Variants in GPC6 observed in about 807,000 individuals in gnomAD.
GPC6 encodes glypican-6.
A neutral mutation model predicts 55.2 loss-of-function variants in GPC6; 14 were observed. The ratio of observed to expected loss-of-function variants is 0.25; its 90% CI spans 0.17 to 0.40. The LOEUF is 0.40. GPC6 is among the 10% of genes least tolerant of loss of function. GPC6 has a pLI of 1.00. For missense variants in GPC6, 641 were observed against 708.5 expected, an observed-to-expected ratio of 0.90 and a Z score of 1.08; for synonymous variants, 278 against 259.6, an observed-to-expected ratio of 1.07 and a Z score of -0.68.
chr13:93,300,152 A>G (rs1221285765), intron 1 of GPC6, among the ~76,000 whole-genome samples: 1 of 152,244 alleles, frequency 6.6e-6, no homozygotes, highest in African/African-American at 2.4e-5. Flanking sequence ...ACAGTAATGC[A>G]TGGGTGTGTA....
At chr13:93,536,279 T>C (rs1280378039) in intron 1 of GPC6, among the ~76,000 whole-genome samples, 1 of 152,186 alleles carries the variant, frequency 6.6e-6, no homozygotes, top group Non-Finnish European at 1.5e-5. Context: ...TTACAGAGTA[T>C]GTTTAATGGC....
chr13:93,941,041 C>G (rs1445944324), intron 3 of GPC6, among the ~76,000 whole-genome samples: 3 of 152,108 alleles, frequency 2.0e-5, no homozygotes, highest in Non-Finnish European at 4.4e-5. Flanking sequence ...TTAACAATTT[C>G]CTTTCCTTCT....
chr13:94,330,707 G>C (rs1482290708), intron 6 of GPC6, among the ~76,000 whole-genome samples: 1 of 152,106 alleles, frequency 6.6e-6, no homozygotes, highest in Non-Finnish European at 1.5e-5. Context: ...GTCTGTTAAA[G>C]GTGGATGATA....
intron 2 of GPC6, among the ~76,000 whole-genome samples, chr13:93,770,751 C>G (rs1286563073): frequency 1.3e-5 from 2 of 152,310 alleles, no homozygotes; most frequent in Middle Eastern, 3.4e-3. Flanking sequence ...CTGCAACTCT[C>G]TATCTAGTTC....
intron 4 of GPC6, among the ~76,000 whole-genome samples, chr13:94,239,641 G>T (rs546722780): frequency 2.0e-3 from 310 of 152,186 alleles, no homozygotes; most frequent in African/African-American, 7.3e-3. Context: ...TATTGATGAA[G>T]TCATTATGTG....
At chr13:93,836,691 GTATTA>G (rs1251306627) in intron 3 of GPC6, among the ~76,000 whole-genome samples, 15 of 151,976 alleles carry the variant, frequency 9.9e-5, no homozygotes, top group Non-Finnish European at 1.5e-4. Flanking sequence ...GGTATTTCGA[GTATTA>G]TATTATATTT....
At chr13:93,956,193 A>G (rs1226581616) in intron 3 of GPC6, among the ~76,000 whole-genome samples, 3 of 151,902 alleles carry the variant, frequency 2.0e-5, no homozygotes, top group Admixed American at 6.6e-5. Flanking sequence ...CACTCTCTCC[A>G]CTGTGGCCCT....
At chr13:93,520,361 AT>A (rs1377067244) in intron 1 of GPC6, among the ~76,000 whole-genome samples, 1 of 151,986 alleles carries the variant, frequency 6.6e-6, no homozygotes, top group Non-Finnish European at 1.5e-5. Context: ...TGAGTTACAG[AT>A]TCCTTAAATT....
In GPC6 at chr13:93,281,148, C is replaced by T. The variant is rs574836919; in HGVS notation, c.160+53532C>T. Among the ~76,000 whole-genome samples, 3 of 152,330 alleles carry T rather than the reference C, an allele frequency of 2.0e-5. No individual in the cohort carries two copies. The East Asian group carries it at 5.8e-4, about 29-fold the overall frequency. On this transcript the variant is annotated intron_variant, in intron 1 of 8. Coordinates refer to ENST00000377047, the MANE Select transcript of GPC6 (RefSeq NM_005708.5). ...ATCAGGATTTGGCCTCCAGATTCTA[C>T]TATATCTGCCACAATAGCACTTACT...
chr13:93,960,811 T>G (rs8002338), intron 3 of GPC6, among the ~76,000 whole-genome samples: 1 of 148,342 alleles, frequency 6.7e-6, no homozygotes, highest in Non-Finnish European at 1.5e-5. Context: ...ATTTTTTTTT[T>G]TTTCTTTTTT....
At chr13:94,379,073 A>C (rs2139203610) in intron 6 of GPC6, among the ~76,000 whole-genome samples, 2 of 152,332 alleles carry the variant, frequency 1.3e-5, no homozygotes, top group East Asian at 3.9e-4. Context: ...AAAAACAAAA[A>C]AACAAAAACC....
At chr13:94,272,471 T>C (rs1434080805) in intron 4 of GPC6, among the ~76,000 whole-genome samples, 14 of 134,498 alleles carry the variant, frequency 1.0e-4, no homozygotes, top group South Asian at 4.9e-4. Flanking sequence ...TTCTTTTTTT[T>C]TTTTTTTTTT....
At chr13:94,239,035 CTTAAG>C (rs1890969110) in intron 4 of GPC6, among the ~76,000 whole-genome samples, 1 of 152,108 alleles carries the variant, frequency 6.6e-6, no homozygotes, top group Non-Finnish European at 1.5e-5. Flanking sequence ...TTTTACTGCT[CTTAAG>C]TTAATAACGT....
intron 2 of GPC6, among the ~76,000 whole-genome samples, chr13:93,828,816 A>G (rs964425244): frequency 1.3e-5 from 2 of 152,174 alleles, no homozygotes; most frequent in Non-Finnish European, 2.9e-5. Flanking sequence ...TATCATTATT[A>G]TAGACACCAT....
At chr13:93,802,213 C>T (rs1016915464) in intron 2 of GPC6, among the ~76,000 whole-genome samples, 2 of 152,060 alleles carry the variant, frequency 1.3e-5, no homozygotes, top group Admixed American at 1.3e-4. Flanking sequence ...CTTCTGTCAT[C>T]TTGTTCCAAA....
At chr13:93,270,953 C>G (rs1877502381) in intron 1 of GPC6, among the ~76,000 whole-genome samples, 1 of 152,166 alleles carries the variant, frequency 6.6e-6, no homozygotes, top group South Asian at 2.1e-4. Context: ...CTGCCAATTT[C>G]CAGCAGAATT....
intron 4 of GPC6, among the ~76,000 whole-genome samples, chr13:94,158,327 T>C (rs1888027509): frequency 6.6e-6 from 1 of 151,892 alleles, no homozygotes; most frequent in Admixed American, 6.6e-5. Context: ...TTAGACACAA[T>C]TATAGTTTGA....
rs1878236853 is a variant in GPC6, at chr13:94,345,405, A to G, written c.1153-37009A>G. On this transcript the variant is annotated intron_variant, in intron 6 of 8. Transcript: ENST00000377047. The stretch of plus-strand genomic sequence containing the variant: ...TACTTTGCAAAAGAATTTAAATAGC[A>G]AGCTCCCTCTGAGTACTTAAAATAT... 5.3e-5 allele frequency among the ~76,000 whole-genome samples: 8 copies of G among 152,320 alleles called. No individual in the cohort carries two copies. The South Asian group carries it at 1.7e-3, about 32-fold the overall frequency.
intron 4 of GPC6, among the ~76,000 whole-genome samples, chr13:94,075,435 G>GGTGT (rs150809379): frequency 6.6e-6 from 1 of 151,396 alleles, no homozygotes; most frequent in Non-Finnish European, 1.5e-5. Flanking sequence ...TTTGTGTGCA[G>GGTGT]GTGTGTGTGT....
Sources: gnomAD v4.1 joint callset for allele counts (sites outside exome capture counted in the v4.1 genomes callset) on GRCh38, gnomAD v4.1.1 for gene constraint, MANE v1.5 for transcripts, NCBI Gene and HGNC (gene_info 2026-07-23, HGNC 2026-07-21) for gene names.